ARB2A: variants seen among roughly 807,000 people sequenced by gnomAD.
ARB2A encodes the protein ARB2 cotranscriptional regulator A.
chr5:93,741,731 G>A, the ARB2A span: 1 of 739,580 alleles, frequency 1.4e-6, no homozygotes, highest in Non-Finnish European at 2.1e-6. Context: ...AGGAACTCCT[G>A]GGTCCTAGGG....
At chr5:93,798,404 C>T in the ARB2A span, among the ~76,000 whole-genome samples, 1 of 152,062 alleles carries the variant, frequency 6.6e-6, no homozygotes, top group South Asian at 2.1e-4. Flanking sequence ...GTAATTGATG[C>T]CACTTTTTAT....
At chr5:93,749,602 A>C in the ARB2A span, among the ~76,000 whole-genome samples, 1 of 152,164 alleles carries the variant, frequency 6.6e-6, no homozygotes, top group Non-Finnish European at 1.5e-5. Flanking sequence ...CATTTTACAG[A>C]CAGTGTGATT....
the ARB2A span, among the ~76,000 whole-genome samples, chr5:94,006,518 A>C: frequency 6.6e-6 from 1 of 152,330 alleles, no homozygotes; most frequent in East Asian, 1.9e-4. Context: ...AGATGCTAGC[A>C]CTGGGGAAAC....
the ARB2A span, among the ~76,000 whole-genome samples, chr5:93,942,725 GA>G: frequency 6.6e-6 from 1 of 151,232 alleles, no homozygotes; most frequent in Non-Finnish European, 1.5e-5. Flanking sequence ...CCTACTCAAA[GA>G]AAAAATAAAA....
the ARB2A span, among the ~76,000 whole-genome samples, chr5:93,772,227 G>A: frequency 0.23 from 34,320 of 151,794 alleles, 4,912 homozygotes; most frequent in African/African-American, 0.39. Flanking sequence ...AACACTGCAT[G>A]TTCTCACTCA....
chr5:94,032,475 A>C, the ARB2A span, among the ~76,000 whole-genome samples: 3 of 152,184 alleles, frequency 2.0e-5, no homozygotes, highest in East Asian at 5.8e-4. Context: ...ACCATTCAGG[A>C]GAAATCCACC....
chr5:93,696,123 G>C, the ARB2A span, among the ~76,000 whole-genome samples: 10 of 152,126 alleles, frequency 6.6e-5, no homozygotes, highest in African/African-American at 2.4e-4. Flanking sequence ...ACCGTGGCAC[G>C]TGTATACCTA....
the ARB2A span, among the ~76,000 whole-genome samples, chr5:93,774,461 A>G: frequency 3.3e-5 from 5 of 152,256 alleles, no homozygotes; most frequent in African/African-American, 1.2e-4. Flanking sequence ...TGAGGAAATT[A>G]AAAGTGCTAC....
chr5:93,821,317 T>C, the ARB2A span, among the ~76,000 whole-genome samples: 1 of 152,098 alleles, frequency 6.6e-6, no homozygotes, highest in Non-Finnish European at 1.5e-5. Context: ...TGTGTGTTTG[T>C]GTGTGTATGT....
chr5:93,752,791 T>G, the ARB2A span, among the ~76,000 whole-genome samples: 2 of 152,190 alleles, frequency 1.3e-5, no homozygotes, highest in African/African-American at 2.4e-5. Flanking sequence ...TGATTTCAAC[T>G]ATTTATTATG....
chr5:93,807,950 T>G, the ARB2A span, among the ~76,000 whole-genome samples: 1 of 152,022 alleles, frequency 6.6e-6, no homozygotes, highest in Non-Finnish European at 1.5e-5. Flanking sequence ...AGTGTAACAC[T>G]GTCTTCCAAG....
At chr5:93,732,472 A>G in the ARB2A span, among the ~76,000 whole-genome samples, 3 of 152,194 alleles carry the variant, frequency 2.0e-5, no homozygotes, top group African/African-American at 7.2e-5. Flanking sequence ...AGAGGTATAT[A>G]AACACACTAA....
chr5:93,957,444 CAGAG>C, the ARB2A span, among the ~76,000 whole-genome samples: 1 of 152,066 alleles, frequency 6.6e-6, no homozygotes, highest in East Asian at 1.9e-4. Context: ...ACAAATGTGT[CAGAG>C]AGAAAGTTCA....
chr5:93,998,344 A>G, the ARB2A span, among the ~76,000 whole-genome samples: 1 of 151,956 alleles, frequency 6.6e-6, no homozygotes, highest in Non-Finnish European at 1.5e-5. Context: ...ATTTATCCTA[A>G]TTTTCACCTC....
the ARB2A span, among the ~76,000 whole-genome samples, chr5:93,768,311 G>A: frequency 6.6e-6 from 1 of 151,310 alleles, no homozygotes; most frequent in African/African-American, 2.4e-5. Flanking sequence ...ACTTACTCAT[G>A]TAACCAAATA....
At chr5:94,053,114 T>TA in the ARB2A span, 29 of 1,456,660 alleles carry the variant, frequency 2.0e-5, no homozygotes, top group South Asian at 2.1e-4. Context: ...GATAGATAGA[T>TA]AACCCACTTA....
the ARB2A span, among the ~76,000 whole-genome samples, chr5:93,775,295 C>T: frequency 6.6e-6 from 1 of 152,150 alleles, no homozygotes. Context: ...CAGTGATTAG[C>T]TATCACTTGT....
At chr5:93,996,003 A>C in the ARB2A span, among the ~76,000 whole-genome samples, 1 of 152,282 alleles carries the variant, frequency 6.6e-6, no homozygotes, top group Non-Finnish European at 1.5e-5. Flanking sequence ...TAAATATTAT[A>C]GAAGCATAGA....
At chr5:93,703,388 A>G in the ARB2A span, among the ~76,000 whole-genome samples, 1 of 152,176 alleles carries the variant, frequency 6.6e-6, no homozygotes. Context: ...AGATCATAAC[A>G]CCCACTATAA....
Sources: gnomAD v4.1 joint callset for allele counts (sites outside exome capture counted in the v4.1 genomes callset) on GRCh38, gnomAD v4.1.1 for gene constraint, MANE v1.5 for transcripts, NCBI Gene and HGNC (gene_info 2026-07-23, HGNC 2026-07-21) for gene names.